TXK: variants seen among roughly 807,000 people sequenced by gnomAD.
TXK encodes TXK tyrosine kinase, also known as tyrosine-protein kinase TXK.
In TXK, 60 loss-of-function variants were observed where a neutral mutation model predicts 81.0. That is an observed-to-expected ratio of 0.74 (90% confidence interval 0.60 to 0.92). The LOEUF is 0.92. TXK is among the 40% of genes least tolerant of loss of function. The pLI, the probability that TXK is intolerant of heterozygous loss-of-function variation, is 0.00. For synonymous variants in TXK, 203 were observed against 210.7 expected (o/e 0.96, Z 0.32); for missense variants, 581 against 638.3 (o/e 0.91, Z 0.97).
At chr4:48,130,667 A>G (rs927219108) in intron 1 of TXK, among the ~76,000 whole-genome samples, 3 of 152,212 alleles carry the variant, frequency 2.0e-5, no homozygotes, top group African/African-American at 4.8e-5. Context: ...CTGGAGGCAG[A>G]TATCATCAGG....
intron 12 of TXK, among the ~76,000 whole-genome samples, chr4:48,075,470 G>A (rs1162313095): frequency 6.6e-6 from 1 of 152,044 alleles, no homozygotes; most frequent in Non-Finnish European, 1.5e-5. Flanking sequence ...GGCCAACATG[G>A]TGAAACCCCG....
intron 10 of TXK, among the ~76,000 whole-genome samples, chr4:48,081,216 G>C (rs1174180663): frequency 1.3e-5 from 2 of 152,076 alleles, no homozygotes; most frequent in African/African-American, 4.8e-5. Context: ...AGCAAGTCTT[G>C]AGATGAAATA....
chr4:48,071,344 G>A (rs1347437434), intron 14 of TXK, among the ~76,000 whole-genome samples, 173 bp downstream of exon 14: 1 of 152,112 alleles, frequency 6.6e-6, no homozygotes, highest in Admixed American at 6.5e-5. Context: ...AAACAAAATG[G>A]ATTCATGACT....
chr4:48,077,388 T>C (rs1717113664), intron 11 of TXK, among the ~76,000 whole-genome samples: 1 of 152,172 alleles, frequency 6.6e-6, no homozygotes, highest in African/African-American at 2.4e-5. Context: ...GTTTAGAAGA[T>C]GCCAGCAAGT....
intron 1 of TXK, among the ~76,000 whole-genome samples, chr4:48,117,817 A>T (rs188875693): frequency 6.6e-6 from 1 of 152,282 alleles, no homozygotes; most frequent in Non-Finnish European, 1.5e-5. Flanking sequence ...TGTCTTCCAG[A>T]TGTGATAGTA....
chr4:48,089,397 T>C (rs943242917), intron 9 of TXK: 6 of 158,914 alleles, frequency 3.8e-5, no homozygotes, highest in African/African-American at 7.3e-5. Context: ...TTTTTTTTTT[T>C]CCTTTTTTTT....
chr4:48,107,737 C>G (rs1418860852), intron 5 of TXK, among the ~76,000 whole-genome samples: 1 of 151,750 alleles, frequency 6.6e-6, no homozygotes, highest in Non-Finnish European at 1.5e-5. Flanking sequence ...CCGCCCCAGG[C>G]TCCAGTGTAT....
At position 48,086,506 on chromosome 4, in the gene TXK, T is replaced by C. The variant is rs1717534902; in HGVS notation, c.916A>G (p.Met306Val). The C allele has an allele frequency of 3.7e-6, 6 of 1,614,130 alleles. No homozygotes were observed. The highest frequency in any genetic ancestry group is 3.3e-5 in the South Asian group (3 of 91,074). Residue 306 changes from methionine (M) to valine (V), a missense_variant, in exon 10 of 15, where the codon ATG becomes GTG. Coordinates refer to ENST00000264316, the MANE Select transcript of TXK (RefSeq NM_003328.3). ...TCTTCAATGAAATCCTCTTCAGACA[T>C]GGAGCCTTCATTGATGGCCTTGATA... ...VAIKAINEGSMSEEDFIEEAK... is the reference protein window; with the variant it reads ...VAIKAINEGSVSEEDFIEEAK...
At chr4:48,093,879 T>C (rs182595624) in intron 8 of TXK, among the ~76,000 whole-genome samples, 198 bp downstream of exon 8, 1 of 152,362 alleles carries the variant, frequency 6.6e-6, no homozygotes, top group Non-Finnish European at 1.5e-5. Flanking sequence ...GAAATTGACC[T>C]ACCTCTTGCC....
chr4:48,076,470 T>C lies in TXK; in HGVS notation c.1174-4A>G, dbSNP rs368596102. On this transcript the variant is annotated splice_region_variant and splice_polypyrimidine_tract_variant and intron_variant, in intron 11 of 14. Coordinates refer to ENST00000264316, the MANE Select transcript of TXK (RefSeq NM_003328.3). Reference sequence around the variant, plus strand: ...TGACCAAACAATTCCTTGCCGCCTATGGAAAGAAGAAAAGAATCCAAGTTT... The same window carrying C: ...TGACCAAACAATTCCTTGCCGCCTACGGAAAGAAGAAAAGAATCCAAGTTT... 2.5e-4 allele frequency: 406 copies of C among 1,607,170 alleles called. 2 individuals carry two copies. Among genetic ancestry groups the C allele is most frequent in the Non-Finnish European group, 3.0e-4 (357 of 1,178,322 alleles).
At chr4:48,091,182 T>C (rs1176410655) in intron 8 of TXK, among the ~76,000 whole-genome samples, 1 of 152,182 alleles carries the variant, frequency 6.6e-6, no homozygotes, top group African/African-American at 2.4e-5. Flanking sequence ...ACTTGACACA[T>C]TGTTGGACTC....
intron 6 of TXK, 133 bp from the exon 7 acceptor site, chr4:48,095,355 T>A: frequency 1.6e-6 from 1 of 636,076 alleles, no homozygotes. Context: ...TATGAAGAAT[T>A]AGATTGTCTT....
At chr4:48,125,114 T>TG (rs1182452489) in intron 1 of TXK, among the ~76,000 whole-genome samples, 1 of 152,254 alleles carries the variant, frequency 6.6e-6, no homozygotes, top group East Asian at 1.9e-4. Context: ...ATCCCCATCT[T>TG]ACACATAAAG....
At chr4:48,121,614 A>G (rs549532622) in intron 1 of TXK, among the ~76,000 whole-genome samples, 1 of 152,344 alleles carries the variant, frequency 6.6e-6, no homozygotes, top group East Asian at 1.9e-4. Context: ...TCTCTGGATT[A>G]CTTATAATAC....
At chr4:48,095,528 G>C (rs538710693) in intron 6 of TXK, among the ~76,000 whole-genome samples, 160 of 152,152 alleles carry the variant, frequency 1.1e-3, no homozygotes, top group Non-Finnish European at 1.7e-3. Context: ...GCTTATTTTT[G>C]TTATATTGAC....
chr4:48,082,407 C>T (rs971373837), intron 10 of TXK, among the ~76,000 whole-genome samples: 2 of 152,188 alleles, frequency 1.3e-5, no homozygotes, highest in Admixed American at 6.5e-5. Flanking sequence ...GAAGTTTCAT[C>T]TGCATAATAA....
intron 14 of TXK, among the ~76,000 whole-genome samples, chr4:48,069,326 CTTTTTTT>C (rs376924565): frequency 0.014 from 1,325 of 95,822 alleles, 20 homozygotes; most frequent in African/African-American, 0.051. Context: ...CTTTTCTTTT[CTTTTTTT>C]TTTTTTTTTT....
intron 8 of TXK, among the ~76,000 whole-genome samples, chr4:48,090,930 G>A (rs1178128312): frequency 6.6e-6 from 1 of 152,234 alleles, no homozygotes; most frequent in Non-Finnish European, 1.5e-5. Flanking sequence ...AGACAGAAAC[G>A]AGCTTGACCA....
At chr4:48,125,520 C>G (rs185477799) in intron 1 of TXK, among the ~76,000 whole-genome samples, 1 of 152,196 alleles carries the variant, frequency 6.6e-6, no homozygotes, top group Non-Finnish European at 1.5e-5. Flanking sequence ...ATGTTTCCCC[C>G]GTTCAGGACT....
Sources: allele counts gnomAD v4.1 joint callset (sites outside exome capture counted in the v4.1 genomes callset), GRCh38; gene constraint gnomAD v4.1.1; transcripts MANE v1.5; gene names NCBI Gene and HGNC (gene_info 2026-07-23, HGNC 2026-07-21).